Variants in KIAA1217 observed in about 807,000 individuals in gnomAD.
KIAA1217 encodes the protein KIAA1217.
In KIAA1217, 88 loss-of-function variants were observed where a neutral mutation model predicts 163.9. The ratio of observed to expected loss-of-function variants is 0.54; its 90% CI spans 0.45 to 0.64. The LOEUF (loss-of-function observed/expected upper bound fraction) is 0.64. Among genes scored for constraint, KIAA1217 ranks in the 30% least tolerant of loss-of-function variants. The probability of loss-of-function intolerance (pLI) is 0.00; values close to 1 mark genes in which losing one functional copy is unlikely to be tolerated. For missense variants in KIAA1217, 2,372 were observed against 2,475.0 expected, an observed-to-expected ratio of 0.96 and a Z score of 0.88; for synonymous variants, 903 against 923.1, an observed-to-expected ratio of 0.98 and a Z score of 0.39.
rs367889220 is a variant in KIAA1217 at position 24,142,499 on chromosome 10, T to A, written c.-170-77127T>A. 1.4e-4 allele frequency among the ~76,000 whole-genome samples: 22 copies of A among 152,218 alleles called. No individual in the cohort carries two copies. In the East Asian group the frequency reaches 1.7e-3, roughly 12 times the overall value. On this transcript the variant is annotated intron_variant, in intron 2 of 18. Transcript: ENST00000376462. ...AAAGAAGGAAGATGGACCTGTTGGGTCCAATCCACACTATTCGAGTGATGA... is the reference window on the plus strand; with the variant it reads ...AAAGAAGGAAGATGGACCTGTTGGGACCAATCCACACTATTCGAGTGATGA...
At chr10:23,957,525 C>T (rs1298663270) in intron 1 of KIAA1217, among the ~76,000 whole-genome samples, 1 of 152,148 alleles carries the variant, frequency 6.6e-6, no homozygotes, top group East Asian at 1.9e-4. Flanking sequence ...AGTTCAAGAC[C>T]AGCCTGACCA....
chr10:24,412,839 T>C (rs2057914973), intron 3 of KIAA1217, among the ~76,000 whole-genome samples: 2 of 152,162 alleles, frequency 1.3e-5, no homozygotes, highest in South Asian at 4.1e-4. Context: ...GATTAATAGT[T>C]CAGATCATCT....
intron 3 of KIAA1217, among the ~76,000 whole-genome samples, chr10:24,386,053 C>T (rs570584915): frequency 2.2e-4 from 34 of 152,268 alleles, no homozygotes; most frequent in Non-Finnish European, 4.3e-4. Flanking sequence ...AAATAAGACT[C>T]ATGTGAAAAC....
chr10:24,188,604 G>A (rs78266084), intron 2 of KIAA1217, among the ~76,000 whole-genome samples: 1 of 152,174 alleles, frequency 6.6e-6, no homozygotes, highest in Non-Finnish European at 1.5e-5. Context: ...TTTATTCTTG[G>A]TGTTGTTCTA....
intron 2 of KIAA1217, among the ~76,000 whole-genome samples, chr10:24,074,110 C>T (rs901922369): frequency 3.3e-5 from 5 of 152,018 alleles, no homozygotes; most frequent in South Asian, 2.1e-4. Flanking sequence ...TTGGGAGGCC[C>T]AGGCAGGTGG....
At chr10:24,390,479 A>G (rs55964892) in intron 3 of KIAA1217, among the ~76,000 whole-genome samples, 43,281 of 101,020 alleles carry the variant, frequency 0.43, 8,159 homozygotes, top group African/African-American at 0.6. Flanking sequence ...GAGGGAGGGA[A>G]GGAAGGAAGG....
At chr10:24,500,184 AGT>A (rs57872451) in intron 8 of KIAA1217, among the ~76,000 whole-genome samples, 22,581 of 142,988 alleles carry the variant, frequency 0.16, 1,705 homozygotes, top group East Asian at 0.18. Context: ...ACTGAACAGA[AGT>A]GTGTGTGTGT....
At chr10:23,959,292 G>C (rs1019668307) in intron 1 of KIAA1217, among the ~76,000 whole-genome samples, 21 of 152,260 alleles carry the variant, frequency 1.4e-4, no homozygotes, top group Non-Finnish European at 1.9e-4. Context: ...CACTTTAGGA[G>C]ACTGAGGCAG....
At chr10:24,314,493 G>T (rs976777851) in intron 2 of KIAA1217, among the ~76,000 whole-genome samples, 17 of 152,196 alleles carry the variant, frequency 1.1e-4, no homozygotes, top group Admixed American at 9.8e-4. Context: ...GTGCACACGT[G>T]TACATGTGCT....
intron 1 of KIAA1217, among the ~76,000 whole-genome samples, chr10:23,950,136 C>T (rs1405414379): frequency 6.6e-6 from 1 of 152,158 alleles, no homozygotes; most frequent in South Asian, 2.1e-4. Flanking sequence ...TCTACACCAC[C>T]GTGTTGACCC....
At chr10:24,404,670 C>G (rs1207206107) in intron 3 of KIAA1217, among the ~76,000 whole-genome samples, 1 of 151,476 alleles carries the variant, frequency 6.6e-6, no homozygotes, top group African/African-American at 2.4e-5. Flanking sequence ...ACTGTTTTCA[C>G]CCAGAAACTT....
At chr10:23,754,589 A>G (rs1833826870) in intron 1 of KIAA1217, among the ~76,000 whole-genome samples, 1 of 152,210 alleles carries the variant, frequency 6.6e-6, no homozygotes, top group Non-Finnish European at 1.5e-5. Context: ...AGGGCAGTGG[A>G]TGCCTAGGCT....
chr10:23,755,762 G>C (rs540003077), intron 1 of KIAA1217, among the ~76,000 whole-genome samples: 290 of 152,252 alleles, frequency 1.9e-3, no homozygotes, highest in African/African-American at 6.1e-3. Context: ...CAGGTTGCGA[G>C]CTAATAATTA....
chr10:23,808,363 A>G (rs1219788837), intron 1 of KIAA1217, among the ~76,000 whole-genome samples: 1 of 152,244 alleles, frequency 6.6e-6, no homozygotes, highest in East Asian at 1.9e-4. Flanking sequence ...ATTAGAAATA[A>G]TAGAATAATC....
chr10:24,048,549 G>A (rs1277397033), intron 2 of KIAA1217, among the ~76,000 whole-genome samples: 1 of 151,828 alleles, frequency 6.6e-6, no homozygotes. Flanking sequence ...TGGCCAAAAT[G>A]GTAAACCCTG....
At chr10:23,818,148 C>A in intron 1 of KIAA1217, among the ~76,000 whole-genome samples, 1 of 140,008 alleles carries the variant, frequency 7.1e-6, no homozygotes, top group African/African-American at 2.6e-5. Context: ...AAGTTTCAAA[C>A]CATGAAGACA....
intron 3 of KIAA1217, among the ~76,000 whole-genome samples, chr10:24,410,312 T>C (rs2057656225): frequency 6.6e-6 from 1 of 152,202 alleles, no homozygotes; most frequent in Admixed American, 6.5e-5. Context: ...ACAGTTTCTT[T>C]ATCCATTCAT....
chr10:24,042,412 C>T (rs946594022), intron 2 of KIAA1217: 2 of 152,102 alleles, frequency 1.3e-5, no homozygotes, highest in African/African-American at 4.8e-5. Flanking sequence ...ATTTTGAGAA[C>T]TGGGAGTGAA....
At chr10:23,846,745 G>T (rs1839050350) in intron 1 of KIAA1217, among the ~76,000 whole-genome samples, 1 of 152,044 alleles carries the variant, frequency 6.6e-6, no homozygotes, top group Non-Finnish European at 1.5e-5. Context: ...TTGCCTAATT[G>T]CCCTGGCCAG....
Sources: allele counts gnomAD v4.1 joint callset (sites outside exome capture counted in the v4.1 genomes callset), GRCh38; gene constraint gnomAD v4.1.1; transcripts MANE v1.5; gene names NCBI Gene and HGNC (gene_info 2026-07-23, HGNC 2026-07-21).